URB1: variants seen among roughly 807,000 people sequenced by gnomAD.
URB1 encodes nucleolar pre-ribosomal-associated protein 1.
Under a neutral mutation model 242.3 loss-of-function variants are expected in URB1, and 197 were observed. The observed-to-expected ratio is 0.81, with a 90% CI of 0.72 to 0.91. URB1 has a LOEUF of 0.91. Ranked by LOEUF, URB1 falls within the 40% of genes least tolerant of loss-of-function variation. URB1 has a pLI of 0.00. For synonymous variants in URB1, 1,153 were observed against 1,201.8 expected, an observed-to-expected ratio of 0.96 and a Z score of 0.84; for missense variants, 2,721 against 2,860.5, an observed-to-expected ratio of 0.95 and a Z score of 1.11.
chr21:32,329,424 G>A (rs965507116), intron 30 of URB1, among the ~76,000 whole-genome samples: 3 of 152,076 alleles, frequency 2.0e-5, no homozygotes, highest in East Asian at 1.9e-4. Context: ...AGGAGCCTGC[G>A]TGCTCTGGTC....
At position 32,312,414 on chromosome 21, in the gene URB1, C is replaced by T; in HGVS notation, c.*2504G>A. On this transcript the variant is annotated 3_prime_UTR_variant, in exon 39 of 39. Transcript: ENST00000382751. ...TGCTGGGTAAGTTCCCATCCAAGCT[C>T]CACTAACACCCGCCGGCTCCCCCAG... is the stretch of plus-strand genomic sequence containing the variant. The T allele has an allele frequency of 1.2e-6, 1 of 868,848 alleles. No individual in the cohort carries two copies. Among genetic ancestry groups the T allele is most frequent in the African/African-American group, 1.8e-5 (1 of 56,760 alleles). The allele number at this position is 868,848 out of a possible 1,614,324, so 53.8% of individuals were successfully genotyped here.
At position 32,366,728 on chromosome 21, in the gene URB1, G is replaced by T; in HGVS notation, c.1225C>A (p.Arg409=). Residue 409 remains arginine (R), a synonymous_variant, in exon 10 of 39, where the codon CGG becomes AGG. Transcript: ENST00000382751. ...ATAAACTCTCTGGTCTGAAATGCCC[G>T]GGAAATCTCCGGCTGAGCCTCATAG... is the stretch of plus-strand genomic sequence containing the variant. The part of the protein sequence containing the change: ...KIYEAQPEIS[R]AFQTREFIPL... 6.4e-7 allele frequency: 1 copy of T among 1,551,494 alleles called. No homozygotes were observed. Among genetic ancestry groups the T allele is most frequent in the Non-Finnish European group, 8.7e-7 (1 of 1,146,874 alleles).
intron 8 of URB1, among the ~76,000 whole-genome samples, chr21:32,370,326 G>C (rs1414346759): frequency 6.6e-6 from 1 of 152,002 alleles, no homozygotes; most frequent in Admixed American, 6.5e-5. Flanking sequence ...GTATAATTTT[G>C]ATCAGAAAAA....
At chr21:32,361,781 T>G in intron 12 of URB1, 111 bp downstream of exon 12, 5 of 1,431,330 alleles carry the variant, frequency 3.5e-6, no homozygotes, top group Non-Finnish European at 4.6e-6. Context: ...CAGAGGTGCC[T>G]TGAAACAAAA....
intron 10 of URB1, among the ~76,000 whole-genome samples, chr21:32,365,450 CA>C (rs2033336643): frequency 6.8e-6 from 1 of 148,012 alleles, no homozygotes; most frequent in African/African-American, 2.5e-5. Context: ...GACCCTGTCT[CA>C]AAAAAGAAAA....
chr21:32,352,793 A>C lies in URB1; in HGVS notation c.2530T>G (p.Cys844Gly). Residue 844 changes from cysteine (C) to glycine (G), a missense_variant, in exon 19 of 39, where the codon TGC becomes GGC. Coordinates refer to ENST00000382751, the MANE Select transcript of URB1 (RefSeq NM_014825.3). ...AGCTGCTGGCAGCAAGGCACCAGGCATGGAGGCTCAAGCTTATCATATGCC... is the reference window on the plus strand; with the variant it reads ...AGCTGCTGGCAGCAAGGCACCAGGCCTGGAGGCTCAAGCTTATCATATGCC... ...LQAYDKLEPP[C>G]LVPCCQQLSR... The C allele has an allele frequency of 6.4e-7, 1 of 1,551,744 alleles. No individual in the cohort carries two copies. Among genetic ancestry groups the C allele is most frequent in the Non-Finnish European group, 8.7e-7 (1 of 1,147,002 alleles).
rs549533559 is a variant in URB1, at chr21:32,337,936, ATT to A, written c.4511-424_4511-423del. On this transcript the variant is annotated intron_variant, in intron 26 of 38. Transcript: ENST00000382751. ...CCTCCCAAATGTTAAGCCAATACAG[ATT>A]TTCAATCCAGGCATGTTTTCCCCAT... Among the ~76,000 whole-genome samples the A allele has an allele frequency of 7.2e-5, 11 of 152,186 alleles. No individual in the cohort carries two copies. In the East Asian group the frequency reaches 1.7e-3, roughly 24 times the overall value.
At chr21:32,352,610 G>A in intron 19 of URB1, 100 bp downstream of exon 19, 1 of 1,396,894 alleles carries the variant, frequency 7.2e-7, no homozygotes, top group Non-Finnish European at 9.8e-7. Context: ...CACCCTGCAG[G>A]CTGTCTGGCT....
Position 32,366,673 on chromosome 21 carries a change from A to G in URB1, c.1280T>C (p.Met427Thr). ...IPLPRLLAMV[M>T]VTTVPLVCNK... ...GCACACCAGGGGCACGGTGGTCACC[A>G]TCACCATTGCCAGGAGCCGAGGCAA... Residue 427 changes from methionine (M) to threonine (T), a missense_variant, in exon 10 of 39, where the codon ATG becomes ACG. Met to Thr is a moderately conservative substitution (Grantham distance 81). Coordinates refer to ENST00000382751, the MANE Select transcript of URB1 (RefSeq NM_014825.3). The G allele has an allele frequency of 6.4e-7, 1 of 1,551,504 alleles. No individual in the cohort carries two copies. Among genetic ancestry groups the G allele is most frequent in the Non-Finnish European group, 8.7e-7 (1 of 1,146,836 alleles).
chr21:32,356,348 T>C (rs770355311), intron 15 of URB1, among the ~76,000 whole-genome samples: 4 of 152,176 alleles, frequency 2.6e-5, no homozygotes, highest in Non-Finnish European at 4.4e-5. Context: ...ACCGTGATTG[T>C]AGCAGTGCAC....
chr21:32,362,117 G>C, intron 11 of URB1, 96 bp from the exon 12 acceptor site: 1 of 1,459,566 alleles, frequency 6.9e-7, no homozygotes. Flanking sequence ...AACAGGGAGG[G>C]GGGTGCGAGT....
In URB1 at chr21:32,314,797, T is replaced by C. The variant is rs1401930878; in HGVS notation, c.*121A>G. ...TTTTCTTGTCAAAGAACTGAGCCAA[T>C]GTACTGAACCTGTTGTTTCCCATGC... is the stretch of plus-strand genomic sequence containing the variant. On this transcript the variant is annotated 3_prime_UTR_variant, in exon 39 of 39. Coordinates refer to ENST00000382751, the MANE Select transcript of URB1 (RefSeq NM_014825.3). The C allele has an allele frequency of 6.9e-7, 1 of 1,451,600 alleles. No individual in the cohort carries two copies. The highest frequency in any genetic ancestry group is 1.4e-5 in the African/African-American group (1 of 70,534). The allele number at this position is 1,451,600 out of a possible 1,614,324, so 89.9% of individuals were successfully genotyped here.
chr21:32,374,446 A>G (rs931977159), intron 6 of URB1, among the ~76,000 whole-genome samples: 23 of 152,340 alleles, frequency 1.5e-4, no homozygotes, highest in African/African-American at 5.5e-4. Context: ...GTCACGGTCC[A>G]TGAACATATT....
chr21:32,353,850 C>T (rs1214699496), intron 18 of URB1, 83 bp downstream of exon 18: 1 of 1,449,096 alleles, frequency 6.9e-7, no homozygotes, highest in East Asian at 2.5e-5. Flanking sequence ...CAATTGATCC[C>T]AGAGCCCCTG....
At chr21:32,376,337 A>C (rs577038129) in intron 5 of URB1, among the ~76,000 whole-genome samples, 3 of 152,360 alleles carry the variant, frequency 2.0e-5, no homozygotes, top group East Asian at 3.9e-4. Flanking sequence ...CAGTGGGCAG[A>C]AGCAGCAAAA....
rs142387403 is a variant in URB1, at chr21:32,355,765, C to T, written c.1990-200G>A. On this transcript the variant is annotated intron_variant, in intron 15 of 38. Coordinates refer to ENST00000382751, the MANE Select transcript of URB1 (RefSeq NM_014825.3). Reference sequence around the variant, plus strand: ...CTGGGACTACAGGAGTGTGCCAACACGTCCAGCTAATTTTTCTAATTTTTT... The same window carrying T: ...CTGGGACTACAGGAGTGTGCCAACATGTCCAGCTAATTTTTCTAATTTTTT... 7.7e-4 allele frequency among the ~76,000 whole-genome samples: 118 copies of T among 152,304 alleles called. 1 individual carries two copies. The highest frequency in any genetic ancestry group is 2.0e-3 in the African/African-American group (85 of 41,558).
At chr21:32,368,055 C>T (rs1285883511) in intron 9 of URB1, among the ~76,000 whole-genome samples, 1 of 152,080 alleles carries the variant, frequency 6.6e-6, no homozygotes, top group Non-Finnish European at 1.5e-5. Context: ...CTCCCTATGC[C>T]CCCCTACCTA....
chr21:32,314,525 A>G lies in URB1; in HGVS notation c.*393T>C. 6.2e-7 allele frequency: 1 copy of G among 1,603,208 alleles called. No individual in the cohort carries two copies. Reference sequence around the variant, plus strand: ...ACATCTCTCTTCGTTTTCATAAAAAAAATCTGATACCTTTTGACATTTCAG... The same window carrying G: ...ACATCTCTCTTCGTTTTCATAAAAAGAATCTGATACCTTTTGACATTTCAG... On this transcript the variant is annotated 3_prime_UTR_variant, in exon 39 of 39. Coordinates refer to ENST00000382751, the MANE Select transcript of URB1 (RefSeq NM_014825.3).
At chr21:32,338,333 A>G (rs2833774) in intron 26 of URB1, among the ~76,000 whole-genome samples, 21,649 of 152,048 alleles carry the variant, frequency 0.14, 1,929 homozygotes, top group African/African-American at 0.25. Context: ...AAAAGTTTCA[A>G]TCTTCCCAAG....
Sources: allele counts gnomAD v4.1 joint callset (sites outside exome capture counted in the v4.1 genomes callset), GRCh38; gene constraint gnomAD v4.1.1; transcripts MANE v1.5; gene names NCBI Gene and HGNC (gene_info 2026-07-23, HGNC 2026-07-21).